The following TRAF1 variants were observed in gnomAD, a reference collection of about 807,000 sequenced individuals.
TRAF1 encodes the protein TNF receptor-associated factor 1.
In TRAF1, 23 loss-of-function variants were observed where a neutral mutation model predicts 40.9. The ratio of observed to expected loss-of-function variants is 0.56; its 90% CI spans 0.40 to 0.80. The LOEUF is 0.80. Ranked by LOEUF, TRAF1 falls within the 30% of genes least tolerant of loss-of-function variation. The pLI is 0.00. For missense variants in TRAF1, 477 were observed against 528.7 expected, an observed-to-expected ratio of 0.90 and a Z score of 0.96; for synonymous variants, 206 against 218.8, an observed-to-expected ratio of 0.94 and a Z score of 0.52.
rs2046638397 is a variant in TRAF1, at chr9:120,926,038, G to A, written c.38C>T (p.Pro13Leu). 1 of 1,610,308 alleles carries A rather than the reference G, an allele frequency of 6.2e-7. No homozygotes were observed. Among genetic ancestry groups the A allele is most frequent in the East Asian group, 2.2e-5 (1 of 44,758 alleles). The change falls in exon 2 of 8, where the codon CCT becomes CTT. Residue 13 changes from proline to leucine, a missense_variant. By Grantham distance (98) the Pro-to-Leu change is moderately conservative (BLOSUM62 -3). Coordinates refer to ENST00000373887, the MANE Select transcript of TRAF1 (RefSeq NM_005658.5). ...CCCAAAGGGAAACTCATTCTCATCAGGGGCCGGGCGAGGACTGCTGCCTGA... is the reference window on the plus strand; with the variant it reads ...CCCAAAGGGAAACTCATTCTCATCAAGGGCCGGGCGAGGACTGCTGCCTGA... ...SSSGSSPRPA[P>L]DENEFPFGCP...
Position 120,914,256 on chromosome 9 carries a change from T to C in TRAF1, c.273A>G (p.Ala91=). The C allele has an allele frequency of 6.5e-7, 1 of 1,539,346 alleles. No individual in the cohort carries two copies. Residue 91 remains alanine (A), a synonymous_variant, in exon 4 of 8, where the codon GCA becomes GCG. Coordinates refer to ENST00000373887, the MANE Select transcript of TRAF1 (RefSeq NM_005658.5). ...TTACCTTGAAGGAGCAGCCGACACC[T>C]GCAAAGGGGCACCCAATTCCAGCCT... ...VAEAGIGCPF[A]GVGCSFKGSP...
At chr9:120,921,683 A>C (rs1376408228) in intron 3 of TRAF1, among the ~76,000 whole-genome samples, 1 of 152,048 alleles carries the variant, frequency 6.6e-6, no homozygotes, top group Non-Finnish European at 1.5e-5. Context: ...CAGAGTGTAA[A>C]GTTCCAAGAA....
chr9:120,922,328 A>T (rs1564121508), intron 3 of TRAF1, among the ~76,000 whole-genome samples: 1 of 152,260 alleles, frequency 6.6e-6, no homozygotes, highest in Non-Finnish European at 1.5e-5. Flanking sequence ...GCCAAAAACT[A>T]TCATCTACGA....
chr9:120,909,360 T>A lies in TRAF1; in HGVS notation c.902A>T (p.Tyr301Phe). 1.2e-6 allele frequency: 2 copies of A among 1,614,102 alleles called. No individual in the cohort carries two copies. The highest frequency in any genetic ancestry group is 1.7e-6 in the Non-Finnish European group (2 of 1,180,034). Residue 301 changes from tyrosine (Y) to phenylalanine (F), a missense_variant, in exon 7 of 8, where the codon TAT becomes TTT. Coordinates refer to ENST00000373887, the MANE Select transcript of TRAF1 (RefSeq NM_005658.5). ...CAGCCGCAGGCACAACTTGTAGCCA[T>A]ACTTGGCAGTGTAGAAGGCTGAAAC... Reference protein sequence around the residue: ...LFSPAFYTAKYGYKLCLRLYL... With the variant: ...LFSPAFYTAKFGYKLCLRLYL...
intron 7 of TRAF1, 121 bp from the exon 8 acceptor site, chr9:120,905,359 C>T (rs2046472719): frequency 1.8e-6 from 2 of 1,104,328 alleles, no homozygotes; most frequent in Admixed American, 4.8e-5. Flanking sequence ...AGACCCTTGG[C>T]TCATTTGGAT....
At chr9:120,924,138 C>T (rs1460549734) in intron 2 of TRAF1, among the ~76,000 whole-genome samples, 1 of 152,106 alleles carries the variant, frequency 6.6e-6, no homozygotes, top group Admixed American at 6.5e-5. Context: ...TTACATGATG[C>T]CCTGATTTGC....
intron 3 of TRAF1, among the ~76,000 whole-genome samples, chr9:120,918,046 G>C (rs2046580550): frequency 6.6e-6 from 1 of 152,154 alleles, no homozygotes. Context: ...ACCACATGAA[G>C]ACATAGGGAG....
At chr9:120,910,804 G>A (rs2046520685) in intron 6 of TRAF1, among the ~76,000 whole-genome samples, 1 of 152,220 alleles carries the variant, frequency 6.6e-6, no homozygotes, top group Admixed American at 6.5e-5. Flanking sequence ...ATTGTGCCAA[G>A]CCCAGGGGCC....
At chr9:120,905,286 A>G (rs765205129) in intron 7 of TRAF1, 48 bp from the exon 8 acceptor site, 1 of 1,546,226 alleles carries the variant, frequency 6.5e-7, no homozygotes, top group Non-Finnish European at 8.8e-7. Flanking sequence ...GCAGCAGCGC[A>G]GCTTGGAGGC....
rs567067611 is a variant in TRAF1, at chr9:120,918,153, A to T, written c.229-3853T>A. Among the ~76,000 whole-genome samples, 3 of 152,206 alleles carry T rather than the reference A, an allele frequency of 2.0e-5. No individual in the cohort carries two copies. The South Asian group carries it at 6.2e-4, about 32-fold the overall frequency. ...CTGGCCTCCAGAACTGCGAGGAAAT[A>T]CATTTCTGTTGTTTACACCACCCAG... On this transcript the variant is annotated intron_variant, in intron 3 of 7. Transcript: ENST00000373887.
chr9:120,914,087 C>A, intron 4 of TRAF1, 148 bp downstream of exon 4: 1 of 644,584 alleles, frequency 1.6e-6, no homozygotes, highest in Non-Finnish European at 2.4e-6. Context: ...TAATAGTAGG[C>A]TCTGATGCTT....
intron 3 of TRAF1, among the ~76,000 whole-genome samples, chr9:120,920,822 G>A (rs2046599871): frequency 6.6e-6 from 1 of 152,200 alleles, no homozygotes; most frequent in Admixed American, 6.5e-5. Context: ...CTGGTCCTCA[G>A]CCCTCCACCC....
At chr9:120,915,185 TG>T (rs1455089506) in intron 3 of TRAF1, among the ~76,000 whole-genome samples, 3 of 147,894 alleles carry the variant, frequency 2.0e-5, no homozygotes, top group African/African-American at 7.3e-5. Flanking sequence ...CTGAGAAATG[TG>T]TCATCATTGT....
chr9:120,922,906 T>A (rs2046614264), intron 3 of TRAF1, among the ~76,000 whole-genome samples: 2 of 152,162 alleles, frequency 1.3e-5, no homozygotes, highest in Non-Finnish European at 2.9e-5. Context: ...GGCACGATCA[T>A]GGTTCACTGC....
At chr9:120,919,940 G>T (rs1185098775) in intron 3 of TRAF1, among the ~76,000 whole-genome samples, 3 of 152,272 alleles carry the variant, frequency 2.0e-5, no homozygotes, top group Middle Eastern at 3.4e-3. Flanking sequence ...CCCACTTGCT[G>T]TGTGACTTTG....
intron 3 of TRAF1, among the ~76,000 whole-genome samples, chr9:120,920,464 C>A (rs2046597586): frequency 6.6e-6 from 1 of 150,596 alleles, no homozygotes; most frequent in African/African-American, 2.5e-5. Context: ...TAAGGCTTTA[C>A]TGTGAGCTAC....
At chr9:120,906,210 G>A (rs1240677282) in intron 7 of TRAF1, among the ~76,000 whole-genome samples, 3 of 126,128 alleles carry the variant, frequency 2.4e-5, no homozygotes, top group Admixed American at 9.5e-5. Context: ...ACAGAGTTTC[G>A]CTCTTGTTGT....
chr9:120,922,848 G>GT (rs1165439203), intron 3 of TRAF1, among the ~76,000 whole-genome samples: 2 of 151,788 alleles, frequency 1.3e-5, no homozygotes, highest in Non-Finnish European at 2.9e-5. Context: ...ATCTTTTTTT[G>GT]TTTTTTTGAG....
intron 6 of TRAF1, among the ~76,000 whole-genome samples, chr9:120,910,878 GTGC>G: frequency 6.6e-6 from 1 of 152,304 alleles, no homozygotes; most frequent in Non-Finnish European, 1.5e-5. Context: ...TCATACACAA[GTGC>G]ATGTGTCTTA....
Sources: allele counts gnomAD v4.1 joint callset (sites outside exome capture counted in the v4.1 genomes callset), GRCh38; gene constraint gnomAD v4.1.1; transcripts MANE v1.5; gene names NCBI Gene and HGNC (gene_info 2026-07-23, HGNC 2026-07-21).